The following RPS6KA2 variants were observed in gnomAD, a reference collection of about 807,000 sequenced individuals.
The protein encoded by RPS6KA2 is ribosomal protein S6 kinase A2.
Under a neutral mutation model 91.8 loss-of-function variants are expected in RPS6KA2, and 42 were observed. The ratio of observed to expected loss-of-function variants is 0.46; its 90% CI spans 0.36 to 0.59. The LOEUF is 0.59. Ranked by LOEUF, RPS6KA2 falls within the 20% of genes least tolerant of loss-of-function variation. The pLI is 0.00. For synonymous variants in RPS6KA2, 414 were observed against 393.6 expected (o/e 1.05, Z -0.61); for missense variants, 798 against 978.5 (o/e 0.82, Z 2.46).
Position 166,732,273 on chromosome 6 carries a change from T to G in RPS6KA2, c.123+125927A>C, listed in dbSNP as rs943103758. 1.3e-5 allele frequency among the ~76,000 whole-genome samples: 2 copies of G among 152,196 alleles called. No homozygotes were observed. Among genetic ancestry groups the G allele is most frequent in the African/African-American group, 4.8e-5 (2 of 41,446 alleles). On this transcript the variant is annotated intron_variant, in intron 2 of 21. Coordinates refer to the RPS6KA2 transcript ENST00000503859. The surrounding 1 kb of genome is among the most constrained non-coding windows in gnomAD (Gnocchi z 4.0). Reference sequence around the variant, plus strand: ...GCTTCATGATTCCCCCAAAATAGACTGATAAAAATACAATTTAGAAGTATG... The same window carrying G: ...GCTTCATGATTCCCCCAAAATAGACGGATAAAAATACAATTTAGAAGTATG...
chr6:166,466,534 C>T (rs1333219310), intron 11 of RPS6KA2, among the ~76,000 whole-genome samples: 1 of 152,188 alleles, frequency 6.6e-6, no homozygotes, highest in Non-Finnish European at 1.5e-5. Context: ...CCCTCAGGGT[C>T]TCCCATCCCA....
intron 2 of RPS6KA2, among the ~76,000 whole-genome samples, chr6:166,727,126 T>C (rs1200155833): frequency 6.6e-6 from 1 of 152,086 alleles, no homozygotes; most frequent in Non-Finnish European, 1.5e-5. Context: ...TGAGGGCATT[T>C]ATATAATTAG....
At chr6:166,729,399 G>A (rs1301324250) in intron 2 of RPS6KA2, among the ~76,000 whole-genome samples, 2 of 152,218 alleles carry the variant, frequency 1.3e-5, no homozygotes, top group African/African-American at 2.4e-5. Context: ...CCAGACTGGA[G>A]TGCAGTGGTG....
chr6:166,713,088 G>A (rs889820196), intron 2 of RPS6KA2, among the ~76,000 whole-genome samples: 1 of 152,176 alleles, frequency 6.6e-6, no homozygotes, highest in African/African-American at 2.4e-5. Context: ...TTCTTCCCAA[G>A]GTCAGTTTCT....
intron 20 of RPS6KA2, 108 bp downstream of exon 20, chr6:166,413,686 G>T: frequency 5.0e-6 from 6 of 1,203,988 alleles, no homozygotes; most frequent in Non-Finnish European, 5.8e-6. Context: ...GGCTGCTATG[G>T]GCTCTTTCTC....
At chr6:166,841,975 G>T (rs10806866) in intron 2 of RPS6KA2, among the ~76,000 whole-genome samples, 11 of 151,686 alleles carry the variant, frequency 7.3e-5, no homozygotes, top group African/African-American at 1.5e-4. Context: ...GCCTCAAGCA[G>T]GATCTGGCAT....
chr6:166,448,865 GAGA>G lies in RPS6KA2; in HGVS notation c.1207-19_1207-17del. 1.9e-6 allele frequency: 3 copies of G among 1,613,334 alleles called. No homozygotes were observed. The highest frequency in any genetic ancestry group is 1.7e-6 in the Non-Finnish European group (2 of 1,179,544). The stretch of plus-strand genomic sequence containing the variant: ...CGTGTAACTGCTGCAGAGGGACCAA[GAGA>G]AGAAGAGTTGTCGGAACCCTCACAC... On this transcript the variant is annotated splice_polypyrimidine_tract_variant and intron_variant, in intron 13 of 20. Transcript: ENST00000265678. This position sits in a 1 kb window ranked among gnomAD's most constrained non-coding sequence, Gnocchi z 4.7.
chr6:166,489,045 G>A (rs2128473343), intron 9 of RPS6KA2, 124 bp from the exon 10 acceptor site: 3 of 742,266 alleles, frequency 4.0e-6, no homozygotes, highest in Non-Finnish European at 4.6e-6. Context: ...GCTCTACCAC[G>A]TGGGTCTTAG....
chr6:166,500,420 C>T lies in RPS6KA2; in HGVS notation c.604+467G>A, dbSNP rs563137555. Among the ~76,000 whole-genome samples the T allele has an allele frequency of 1.2e-4, 19 of 152,296 alleles. No individual in the cohort carries two copies. The highest frequency in any genetic ancestry group is 3.6e-4 in the African/African-American group (15 of 41,558). ...GAGGGAAGTCACGTGGCCACCACCA[C>T]GGTCCAGGGAGTGAGAAGGAGGCAG... On this transcript the variant is annotated intron_variant, in intron 7 of 20. Coordinates refer to ENST00000265678, the MANE Select transcript of RPS6KA2 (RefSeq NM_021135.6). This position sits in a 1 kb window ranked among gnomAD's most constrained non-coding sequence, Gnocchi z 4.3.
intron 2 of RPS6KA2, among the ~76,000 whole-genome samples, chr6:166,656,707 C>T (rs1201243241): frequency 2.0e-5 from 3 of 152,218 alleles, no homozygotes; most frequent in South Asian, 2.1e-4. Context: ...TGCAGCACTG[C>T]GCGGTTCACC....
chr6:166,658,857 G>T (rs906638554), intron 2 of RPS6KA2, among the ~76,000 whole-genome samples: 3 of 152,164 alleles, frequency 2.0e-5, no homozygotes, highest in African/African-American at 7.2e-5. Flanking sequence ...TCTGGAACTC[G>T]CCCCTGCTCT....
intron 12 of RPS6KA2, 75 bp from the exon 13 acceptor site, chr6:166,451,308 G>A (rs1159977936): frequency 5.0e-5 from 77 of 1,543,896 alleles, no homozygotes; most frequent in Non-Finnish European, 6.5e-5. Context: ...GTGTGTGTGT[G>A]CATGTGGTAT....
intron 2 of RPS6KA2, among the ~76,000 whole-genome samples, chr6:166,725,357 T>C (rs1790302875): frequency 6.6e-6 from 1 of 152,178 alleles, no homozygotes; most frequent in Admixed American, 6.5e-5. Context: ...AAATTCCATT[T>C]GGGAACAAAA....
intron 2 of RPS6KA2, among the ~76,000 whole-genome samples, chr6:166,824,983 T>C (rs895014093): frequency 1.3e-5 from 2 of 152,212 alleles, no homozygotes; most frequent in Non-Finnish European, 2.9e-5. Context: ...CTGTCCGGGG[T>C]GCTAACTTGA....
Position 166,412,678 on chromosome 6 carries a change from C to T in RPS6KA2, c.*84G>A. On this transcript the variant is annotated 3_prime_UTR_variant, in exon 21 of 21. Transcript: ENST00000265678. The surrounding 1 kb of genome is among the most constrained non-coding windows in gnomAD (Gnocchi z 4.3). ...CCTCCCTGCTGGACTTGTGGTCACTCTGGGTGCCAGACGGGCTCCGAGGCC... is the reference window on the plus strand; with the variant it reads ...CCTCCCTGCTGGACTTGTGGTCACTTTGGGTGCCAGACGGGCTCCGAGGCC... 8.0e-6 allele frequency: 11 copies of T among 1,383,090 alleles called. No individual in the cohort carries two copies. The highest frequency in any genetic ancestry group is 1.1e-5 in the Non-Finnish European group (11 of 1,030,826). The allele number at this position is 1,383,090 out of a possible 1,614,324, so 85.7% of individuals were successfully genotyped here. A position where few individuals can be genotyped will look rare whatever the true frequency, so the allele number is the denominator to read the frequency against.
At position 166,510,552 on chromosome 6, in the gene RPS6KA2, CTCATATATATATAT is replaced by C. The variant is rs1284756636; in HGVS notation, c.299-209_299-196del. Among the ~76,000 whole-genome samples the C allele has an allele frequency of 1.5e-3, 102 of 66,510 alleles. 1 individual carries two copies. Among genetic ancestry groups the C allele is most frequent in the African/African-American group, 5.4e-3 (98 of 18,258 alleles). The allele number at this position is 66,510 out of a possible 152,430, so 43.6% of individuals were successfully genotyped here. A position where few individuals can be genotyped will look rare whatever the true frequency, so the allele number is the denominator to read the frequency against. On this transcript the variant is annotated intron_variant, in intron 3 of 20. Coordinates refer to ENST00000265678, the MANE Select transcript of RPS6KA2 (RefSeq NM_021135.6). ...GTTTTAATACATTTGCTTTCTCTCTCTCATATATATATATATATATATATATATATATATATATA... is the reference window on the plus strand; with the variant it reads ...GTTTTAATACATTTGCTTTCTCTCTCATATATATATATATATATATATATA...
At chr6:166,842,837 C>T (rs950863389) in intron 2 of RPS6KA2, among the ~76,000 whole-genome samples, 1 of 152,208 alleles carries the variant, frequency 6.6e-6, no homozygotes, top group African/African-American at 2.4e-5. Flanking sequence ...GAGAGACCCA[C>T]ATCGTGAACT....
intron 3 of RPS6KA2, among the ~76,000 whole-genome samples, chr6:166,525,781 G>A (rs1030358547): frequency 1.3e-5 from 2 of 152,168 alleles, no homozygotes; most frequent in Non-Finnish European, 2.9e-5. Flanking sequence ...GCATCCCTGC[G>A]GCTGTTACCA....
At chr6:166,715,812 C>T (rs1449746780) in intron 2 of RPS6KA2, among the ~76,000 whole-genome samples, 2 of 151,944 alleles carry the variant, frequency 1.3e-5, no homozygotes, top group African/African-American at 4.8e-5. Context: ...CCGAGGCAGG[C>T]GGATCATCTG....
Sources: allele counts gnomAD v4.1 joint callset (sites outside exome capture counted in the v4.1 genomes callset), GRCh38; gene constraint gnomAD v4.1.1; non-coding constraint Gnocchi (gnomAD v3.1); transcripts MANE v1.5; gene names NCBI Gene and HGNC (gene_info 2026-07-23, HGNC 2026-07-21).